E2F3: variants seen among roughly 807,000 people sequenced by gnomAD.
The protein encoded by E2F3 is transcription factor E2F3.
Under a neutral mutation model 44.4 loss-of-function variants are expected in E2F3, and 11 were observed. The ratio of observed to expected loss-of-function variants is 0.25; its 90% confidence interval spans 0.16 to 0.41. The LOEUF is 0.41. Ranked by LOEUF, E2F3 falls within the 10% of genes least tolerant of loss-of-function variation. The pLI, the probability that E2F3 is intolerant of heterozygous loss-of-function variation, is 1.00. For synonymous variants in E2F3, 249 were observed against 253.0 expected (o/e 0.98, Z 0.15); for missense variants, 487 against 583.6 (o/e 0.83, Z 1.70).
chr6:20,471,559 C>CA lies in E2F3; in HGVS notation c.394-8282dup, dbSNP rs1487941400. 2.0e-5 allele frequency among the ~76,000 whole-genome samples: 3 copies of CA among 152,040 alleles called. No homozygotes were observed. In the East Asian group the frequency reaches 5.8e-4, roughly 29 times the overall value. Reference sequence around the variant, plus strand: ...CTGCACCATTGCACTCTAGCCTGGGCAAAAAGAGCGAAACTCCACTCAAAA... The same window carrying CA: ...CTGCACCATTGCACTCTAGCCTGGGCAAAAAAGAGCGAAACTCCACTCAAAA... On this transcript the variant is annotated intron_variant, in intron 1 of 6. Transcript: ENST00000346618.
At chr6:20,405,344 A>ATT (rs150647270) in intron 1 of E2F3, among the ~76,000 whole-genome samples, 19 of 108,190 alleles carry the variant, frequency 1.8e-4, no homozygotes, top group South Asian at 3.1e-4. Context: ...GGTTATCTGC[A>ATT]TTTTTTTTTT....
At chr6:20,480,652 G>A (rs1762192771) in intron 2 of E2F3, among the ~76,000 whole-genome samples, 1 of 152,204 alleles carries the variant, frequency 6.6e-6, no homozygotes. Context: ...GAGAGATGGG[G>A]AGATTTGGCA....
intron 1 of E2F3, among the ~76,000 whole-genome samples, chr6:20,403,279 G>A (rs1759372410): frequency 6.6e-6 from 1 of 152,108 alleles, no homozygotes; most frequent in Admixed American, 6.5e-5. Context: ...GCTGTCTGGG[G>A]TGAGGGGCTC....
intron 1 of E2F3, among the ~76,000 whole-genome samples, chr6:20,464,363 G>C (rs899532038): frequency 1.3e-5 from 2 of 152,146 alleles, no homozygotes; most frequent in Non-Finnish European, 2.9e-5. Context: ...AGGCCTAAGG[G>C]GGAGGTTATC....
chr6:20,409,971 TG>T, intron 1 of E2F3, among the ~76,000 whole-genome samples: 1 of 152,348 alleles, frequency 6.6e-6, no homozygotes, highest in South Asian at 2.1e-4. Context: ...GAAAGTTTTT[TG>T]GCGAGTAGAG....
chr6:20,405,517 C>G (rs1450019282), intron 1 of E2F3, among the ~76,000 whole-genome samples: 1 of 151,624 alleles, frequency 6.6e-6, no homozygotes, highest in Non-Finnish European at 1.5e-5. Flanking sequence ...GGCCGGTTAT[C>G]TACACTTTTA....
At chr6:20,426,401 GT>G (rs1760216108) in intron 1 of E2F3, among the ~76,000 whole-genome samples, 1 of 152,188 alleles carries the variant, frequency 6.6e-6, no homozygotes, top group African/African-American at 2.4e-5. Context: ...AAGATTTCTT[GT>G]TTTTACTGCA....
chr6:20,477,529 A>C (rs1387064503), intron 1 of E2F3, among the ~76,000 whole-genome samples: 1 of 152,064 alleles, frequency 6.6e-6, no homozygotes, highest in Non-Finnish European at 1.5e-5. Flanking sequence ...TTCCCTTATG[A>C]TCTAAAGCCA....
At chr6:20,408,196 G>A (rs1759553141) in intron 1 of E2F3, among the ~76,000 whole-genome samples, 1 of 152,202 alleles carries the variant, frequency 6.6e-6, no homozygotes, top group Admixed American at 6.5e-5. Flanking sequence ...CACTAATAGT[G>A]TCTCCTTCTT....
chr6:20,467,657 C>A (rs1761758286), intron 1 of E2F3, among the ~76,000 whole-genome samples: 1 of 152,172 alleles, frequency 6.6e-6, no homozygotes, highest in Non-Finnish European at 1.5e-5. Context: ...TGACTGAAAT[C>A]TGAACTTGGT....
At chr6:20,467,499 C>G (rs1761752946) in intron 1 of E2F3, among the ~76,000 whole-genome samples, 1 of 152,120 alleles carries the variant, frequency 6.6e-6, no homozygotes, top group Non-Finnish European at 1.5e-5. Context: ...CACACTATAC[C>G]CTCTGCTTTC....
chr6:20,439,445 C>T (rs534180535), intron 1 of E2F3, among the ~76,000 whole-genome samples: 2 of 152,266 alleles, frequency 1.3e-5, no homozygotes, highest in South Asian at 4.1e-4. Flanking sequence ...GCCATTTCTC[C>T]ATTAGATCTG....
chr6:20,422,640 T>C (rs946827117), intron 1 of E2F3, among the ~76,000 whole-genome samples: 2 of 152,214 alleles, frequency 1.3e-5, no homozygotes, highest in South Asian at 2.1e-4. Flanking sequence ...TAAGAGACCA[T>C]TGTGGGATTA....
intron 1 of E2F3, among the ~76,000 whole-genome samples, chr6:20,472,068 A>ACACACACACACACACACACACT (rs1320530650): frequency 6.8e-6 from 1 of 147,522 alleles, no homozygotes; most frequent in African/African-American, 2.5e-5. Context: ...ACACACACAC[A>ACACACACACACACACACACACT]CTCACATCTA....
Position 20,492,428 on chromosome 6 carries a change from G to A in E2F3, c.*1998G>A, listed in dbSNP as rs1581667667. The A allele has an allele frequency of 8.6e-6, 2 of 233,694 alleles. No individual in the cohort carries two copies. Among genetic ancestry groups the A allele is most frequent in the East Asian group, 1.2e-4 (2 of 16,728 alleles). The allele number at this position is 233,694 out of a possible 1,614,324, so 14.5% of individuals were successfully genotyped here. A position where few individuals can be genotyped will look rare whatever the true frequency, so the allele number is the denominator to read the frequency against. On this transcript the variant is annotated 3_prime_UTR_variant, in exon 7 of 7. Transcript: ENST00000346618. ...GTCCTAGATGAAGCATTGGGGTGGG[G>A]GAGGGAGAGGGAGCTTTGTGTTAAG...
In E2F3 at chr6:20,466,751, C is replaced by T. The variant is rs58285904; in HGVS notation, c.394-13095C>T. 9.7e-3 allele frequency among the ~76,000 whole-genome samples: 1,462 copies of T among 149,968 alleles called. 30 individuals carry two copies. The highest frequency in any genetic ancestry group is 0.034 in the African/African-American group (1,395 of 40,688). ...AGGCTCGAGTGCAGTGGCGCAATCTCTGCTCACTGCAATCTCCGCCTGCCG... is the reference window on the plus strand; with the variant it reads ...AGGCTCGAGTGCAGTGGCGCAATCTTTGCTCACTGCAATCTCCGCCTGCCG... On this transcript the variant is annotated intron_variant, in intron 1 of 6. Coordinates refer to ENST00000346618, the MANE Select transcript of E2F3 (RefSeq NM_001949.5).
intron 1 of E2F3, among the ~76,000 whole-genome samples, chr6:20,469,734 T>C (rs1761829996): frequency 6.6e-6 from 1 of 152,192 alleles, no homozygotes; most frequent in Admixed American, 6.5e-5. Context: ...TCCATTCTAG[T>C]AATCCAAGTG....
At chr6:20,405,009 T>C (rs2127582812) in intron 1 of E2F3, among the ~76,000 whole-genome samples, 1 of 152,316 alleles carries the variant, frequency 6.6e-6, no homozygotes, top group East Asian at 1.9e-4. Flanking sequence ...GTTTTGATAA[T>C]GGGAAATTAT....
chr6:20,476,515 C>T (rs1762050925), intron 1 of E2F3, among the ~76,000 whole-genome samples: 1 of 152,250 alleles, frequency 6.6e-6, no homozygotes, highest in Non-Finnish European at 1.5e-5. Context: ...CTCTCCTTCT[C>T]TCCACTCTGC....
Sources: allele counts gnomAD v4.1 joint callset (sites outside exome capture counted in the v4.1 genomes callset), GRCh38; gene constraint gnomAD v4.1.1; transcripts MANE v1.5; gene names NCBI Gene and HGNC (gene_info 2026-07-23, HGNC 2026-07-21).